CNTN4: variants seen among roughly 807,000 people sequenced by gnomAD.
CNTN4 encodes the protein contactin 4.
In CNTN4, 77 loss-of-function variants were observed where a neutral mutation model predicts 122.5. The ratio of observed to expected loss-of-function variants is 0.63; its 90% CI spans 0.52 to 0.76. CNTN4 has a LOEUF of 0.76. Ranked by LOEUF, CNTN4 falls within the 30% of genes least tolerant of loss-of-function variation. The pLI is 0.00. For synonymous variants in CNTN4, 512 were observed against 447.0 expected (o/e 1.15, Z -1.83); for missense variants, 1,256 against 1,259.1 (o/e 1.00, Z 0.04).
intron 4 of CNTN4, among the ~76,000 whole-genome samples, chr3:2,590,502 C>G (rs1231744783): frequency 6.6e-6 from 1 of 151,832 alleles, no homozygotes; most frequent in Admixed American, 6.6e-5. Context: ...AGTGATCTGC[C>G]TGCCTCGCAC....
chr3:2,799,462 T>C (rs2092291658), intron 6 of CNTN4, among the ~76,000 whole-genome samples: 1 of 152,140 alleles, frequency 6.6e-6, no homozygotes, highest in Non-Finnish European at 1.5e-5. Flanking sequence ...TTTTACAGTT[T>C]CAGGTCTTTT....
At chr3:2,696,575 C>G (rs1010703171) in intron 4 of CNTN4, among the ~76,000 whole-genome samples, 2 of 152,176 alleles carry the variant, frequency 1.3e-5, no homozygotes, top group Admixed American at 1.3e-4. Flanking sequence ...GCTCCTTGAT[C>G]TTGGATTTTC....
At chr3:2,134,426 G>A (rs2034591321) in intron 2 of CNTN4, among the ~76,000 whole-genome samples, 1 of 152,154 alleles carries the variant, frequency 6.6e-6, no homozygotes, top group South Asian at 2.1e-4. Context: ...TCTGACACAT[G>A]GAAAAGCTAC....
chr3:2,283,304 T>C (rs1422985852), intron 2 of CNTN4, among the ~76,000 whole-genome samples: 1 of 152,112 alleles, frequency 6.6e-6, no homozygotes, highest in East Asian at 1.9e-4. Context: ...GACAAAATAT[T>C]GCATAAATAA....
chr3:2,574,355 G>A (rs2079564420), intron 4 of CNTN4, among the ~76,000 whole-genome samples: 1 of 152,114 alleles, frequency 6.6e-6, no homozygotes, highest in Admixed American at 6.5e-5. Context: ...CAGCTGTTAT[G>A]TTTACCATAA....
chr3:2,716,067 C>A (rs753867807), intron 4 of CNTN4, among the ~76,000 whole-genome samples: 1 of 152,076 alleles, frequency 6.6e-6, no homozygotes, highest in Non-Finnish European at 1.5e-5. Context: ...TGGGCTCAAA[C>A]GATCCTCCTG....
At chr3:2,671,176 G>A (rs530377665) in intron 4 of CNTN4, among the ~76,000 whole-genome samples, 2 of 152,282 alleles carry the variant, frequency 1.3e-5, no homozygotes, top group South Asian at 2.1e-4. Context: ...ATAATATCCT[G>A]CAGAGTGTTT....
At chr3:2,538,245 A>G (rs1035730797) in intron 3 of CNTN4, among the ~76,000 whole-genome samples, 3 of 152,082 alleles carry the variant, frequency 2.0e-5, no homozygotes, top group Non-Finnish European at 4.4e-5. Flanking sequence ...TTCAGAGGGA[A>G]CATGGCCCCA....
At chr3:2,815,891 T>TATATATATATATATATATA (rs1559534875) in intron 6 of CNTN4, among the ~76,000 whole-genome samples, 15 of 147,844 alleles carry the variant, frequency 1.0e-4, no homozygotes, top group African/African-American at 3.4e-4. Context: ...TATATATATA[T>TATATATATATATATATATA]GATGGAATAC....
At chr3:2,759,275 C>T (rs576958702) in intron 6 of CNTN4, among the ~76,000 whole-genome samples, 1 of 152,266 alleles carries the variant, frequency 6.6e-6, no homozygotes, top group African/African-American at 2.4e-5. Context: ...CCTGCCTCAG[C>T]CTCCTGAGTA....
At chr3:2,419,304 C>T (rs1232845220) in intron 3 of CNTN4, among the ~76,000 whole-genome samples, 2 of 152,118 alleles carry the variant, frequency 1.3e-5, no homozygotes, top group Non-Finnish European at 2.9e-5. Context: ...GAACATTCAA[C>T]TTTATTAAGA....
chr3:2,774,037 G>A (rs2091214711), intron 6 of CNTN4, among the ~76,000 whole-genome samples: 1 of 152,084 alleles, frequency 6.6e-6, no homozygotes, highest in Admixed American at 6.5e-5. Context: ...TGGCATTACA[G>A]GCATAAGCCA....
At chr3:2,174,962 T>C (rs75109959) in intron 2 of CNTN4, among the ~76,000 whole-genome samples, 57 of 152,242 alleles carry the variant, frequency 3.7e-4, no homozygotes, top group African/African-American at 1.4e-3. Context: ...ATCCAGTCAC[T>C]TCCCACCAGG....
intron 3 of CNTN4, among the ~76,000 whole-genome samples, chr3:2,500,762 T>A (rs1446316617): frequency 6.6e-6 from 1 of 152,178 alleles, no homozygotes; most frequent in Non-Finnish European, 1.5e-5. Flanking sequence ...TTCTTAATTT[T>A]TTCTATTGAA....
chr3:2,531,630 C>G (rs2077600178), intron 3 of CNTN4, among the ~76,000 whole-genome samples: 1 of 152,148 alleles, frequency 6.6e-6, no homozygotes, highest in Admixed American at 6.5e-5. Context: ...ATTGACCGCC[C>G]TTATTCCATT....
intron 4 of CNTN4, among the ~76,000 whole-genome samples, chr3:2,629,305 T>G (rs2150017698): frequency 6.6e-6 from 1 of 152,336 alleles, no homozygotes; most frequent in Admixed American, 6.5e-5. Context: ...AGTCTTGGAC[T>G]TACAGCCTCC....
At chr3:2,579,933 A>C (rs1280297919) in intron 4 of CNTN4, among the ~76,000 whole-genome samples, 2 of 152,146 alleles carry the variant, frequency 1.3e-5, no homozygotes, top group African/African-American at 4.8e-5. Context: ...CAGTGGTTGA[A>C]GGTGTTAGAA....
chr3:2,648,070 C>A (rs548039735), intron 4 of CNTN4, among the ~76,000 whole-genome samples: 13 of 152,164 alleles, frequency 8.5e-5, no homozygotes, highest in Non-Finnish European at 1.2e-4. Flanking sequence ...ATAACAACTG[C>A]AAAGAAAACG....
At chr3:2,791,682 A>G (rs1200304731) in intron 6 of CNTN4, among the ~76,000 whole-genome samples, 1 of 152,208 alleles carries the variant, frequency 6.6e-6, no homozygotes, top group Non-Finnish European at 1.5e-5. Context: ...GTGACTTGAA[A>G]CAAAAGAAAT....
Sources: gnomAD v4.1 joint callset for allele counts (sites outside exome capture counted in the v4.1 genomes callset) on GRCh38, gnomAD v4.1.1 for gene constraint, MANE v1.5 for transcripts, NCBI Gene and HGNC (gene_info 2026-07-23, HGNC 2026-07-21) for gene names.